MUC5AC: variants seen among roughly 807,000 people sequenced by gnomAD.
The protein encoded by MUC5AC is mucin 5AC, oligomeric mucus/gel-forming.
A neutral mutation model predicts 169.7 loss-of-function variants in MUC5AC; 158 were observed. The ratio of observed to expected loss-of-function variants is 0.93; its 90% CI spans 0.82 to 1.06. The LOEUF is 1.06. MUC5AC is among the 50% of genes least tolerant of loss of function. The probability of loss-of-function intolerance (pLI) is 0.00; values close to 1 mark genes in which losing one functional copy is unlikely to be tolerated. For synonymous variants in MUC5AC, 1,975 were observed against 1,237.0 expected, an observed-to-expected ratio of 1.60 and a Z score of -12.52; for missense variants, 4,359 against 3,089.9, an observed-to-expected ratio of 1.41 and a Z score of -9.74.
At position 1,190,987 on chromosome 11, in the gene MUC5AC, C is replaced by A; in HGVS notation, c.12842C>A (p.Thr4281Lys). The change falls in exon 31 of 49, where the codon ACA becomes AAA. Residue 4281 changes from threonine to lysine, a missense_variant. By Grantham distance (78) the Thr-to-Lys change is moderately conservative. Transcript: ENST00000621226. ...ACAACCTCTGCTCCTACAACCAGAA[C>A]AACATCTGCTCCTACAAGCAGCATG... ...TSTTSAPTTR[T>K]TSAPTSSMTS... is the part of the protein sequence containing the mutation. The A allele has an allele frequency of 1.3e-6, 1 of 746,930 alleles. No individual in the cohort carries two copies. The highest frequency in any genetic ancestry group is 1.4e-5 in the South Asian group (1 of 72,134). 46.3% of individuals were successfully genotyped at this position (746,930 alleles called of 1,614,324 possible). A position where few individuals can be genotyped will look rare whatever the true frequency, so the allele number is the denominator to read the frequency against.
At chr11:1,177,934 G>T (rs1860726343) in intron 24 of MUC5AC, among the ~76,000 whole-genome samples, 1 of 152,198 alleles carries the variant, frequency 6.6e-6, no homozygotes, top group African/African-American at 2.4e-5. Context: ...AGGCTCTGGG[G>T]GGCTCCTTTT....
At chr11:1,199,349 C>T in intron 45 of MUC5AC, 22 bp from the exon 46 acceptor site, 1 of 705,216 alleles carries the variant, frequency 1.4e-6, no homozygotes, top group South Asian at 1.5e-5. Flanking sequence ...GTCACTCACC[C>T]CGGGGCCTGG....
chr11:1,170,660 C>A (rs1260507726), intron 15 of MUC5AC, among the ~76,000 whole-genome samples: 1 of 115,286 alleles, frequency 8.7e-6, no homozygotes, highest in Non-Finnish European at 1.9e-5. Flanking sequence ...CACCCACTCA[C>A]TCACCCACTC....
rs932488004 is a variant in MUC5AC, at chr11:1,179,148, C to T, written c.3384C>T (p.Ser1128=). The T allele has an allele frequency of 3.9e-5, 26 of 675,156 alleles. No homozygotes were observed. The highest frequency in any genetic ancestry group is 6.4e-5 in the Admixed American group (3 of 47,134). The allele number at this position is 675,156 out of a possible 1,614,324, so 41.8% of individuals were successfully genotyped here. Residue 1128 remains serine, a synonymous_variant, in exon 26 of 49, where the codon TCC becomes TCT. Coordinates refer to ENST00000621226, the MANE Select transcript of MUC5AC (RefSeq NM_001304359.2). ...ACVNDACACD[S]GGDCECFCTA... ...TGAACGACGCGTGCGCCTGCGACTC[C>T]GGGGGTGACTGCGAGTGCTTCTGCA...
chr11:1,160,069 C>CA (rs1369877034), intron 1 of MUC5AC, among the ~76,000 whole-genome samples: 2 of 149,728 alleles, frequency 1.3e-5, no homozygotes, highest in Non-Finnish European at 3.0e-5. Context: ...TGGCTCTGTG[C>CA]AGGGCTGTGC....
intron 9 of MUC5AC, among the ~76,000 whole-genome samples, chr11:1,164,820 C>T (rs28396235): frequency 6.8e-6 from 1 of 147,224 alleles, no homozygotes; most frequent in Non-Finnish European, 1.5e-5. Flanking sequence ...CTGGCTGAGG[C>T]CCCTGTCCTG....
chr11:1,162,416 C>T, intron 4 of MUC5AC, 116 bp from the exon 5 acceptor site: 1 of 1,080,780 alleles, frequency 9.3e-7, no homozygotes. Context: ...GTCCCCATCC[C>T]AGACGCGACT....
rs765611965 is a variant in MUC5AC at position 1,196,626 on chromosome 11, G to T, written c.15735G>T (p.Pro5245=). ...GNDSASLGAL[P]EAGPITEGCF... ...CCTATGCTCTCTACAGGGCTCTGCCGGAGGCCGGCCCCATCACCGAAGGCT... is the reference window on the plus strand; with the variant it reads ...CCTATGCTCTCTACAGGGCTCTGCCTGAGGCCGGCCCCATCACCGAAGGCT... The change falls in exon 39 of 49, where the codon CCG becomes CCT. Residue 5245 remains proline (P), a synonymous_variant. Coordinates refer to ENST00000621226, the MANE Select transcript of MUC5AC (RefSeq NM_001304359.2). 3.9e-6 allele frequency: 3 copies of T among 761,734 alleles called. No homozygotes were observed. The African/African-American group carries it at 5.1e-5, about 13-fold the overall frequency. The allele number at this position is 761,734 out of a possible 1,614,324, so 47.2% of individuals were successfully genotyped here.
rs1215206220 is a variant in MUC5AC at position 1,192,903 on chromosome 11, C to T, written c.14501C>T (p.Ala4834Val). 3.9e-6 allele frequency: 3 copies of T among 763,660 alleles called. No homozygotes were observed. Among genetic ancestry groups the T allele is most frequent in the Non-Finnish European group, 2.4e-6 (1 of 417,194 alleles). The allele number at this position is 763,660 out of a possible 1,614,324, so 47.3% of individuals were successfully genotyped here. A position where few individuals can be genotyped will look rare whatever the true frequency, so the allele number is the denominator to read the frequency against. Reference protein sequence around the residue: ...SDCPSTTLPPAPATSPSISTS... With the variant: ...SDCPSTTLPPVPATSPSISTS... ...TGTCCGTCCACCACGCTGCCTCCTG[C>T]CCCAGCCACGTCCCCTTCAATATCC... The change falls in exon 32 of 49, where the codon GCC (alanine) becomes GTC (valine). Residue 4834 changes from alanine (A) to valine (V), a missense_variant. Coordinates refer to ENST00000621226, the MANE Select transcript of MUC5AC (RefSeq NM_001304359.2).
rs56353594 is a variant in MUC5AC, at chr11:1,197,402, G to C, written c.15862-66G>C. 6.4e-3 allele frequency: 4,363 copies of C among 686,914 alleles called. 150 individuals carry two copies. The African/African-American group carries it at 0.067, about 11-fold the overall frequency. 42.6% of individuals were successfully genotyped at this position (686,914 alleles called of 1,614,324 possible). On this transcript the variant is annotated intron_variant, in intron 40 of 48. Coordinates refer to ENST00000621226, the MANE Select transcript of MUC5AC (RefSeq NM_001304359.2). The stretch of plus-strand genomic sequence containing the variant: ...TGGCTGCCCCGGCACTGCATGAGCC[G>C]GGGTGGCTGCTGCACCCCTGGGTGG...
chr11:1,200,366 C>T (rs28728088), intron 48 of MUC5AC, 72 bp from the exon 49 acceptor site: 98,597 of 620,772 alleles, frequency 0.16, 9,260 homozygotes, highest in Non-Finnish European at 0.2. Context: ...GCCCAGAGCT[C>T]GGCACGGCGC....
At chr11:1,194,710 G>A (rs535832582) in intron 35 of MUC5AC, 40 bp downstream of exon 35, 52 of 714,628 alleles carry the variant, frequency 7.3e-5, no homozygotes, top group South Asian at 4.7e-4. Context: ...TGGCATTCGC[G>A]GGGGCGGGGG....
At chr11:1,175,924 C>CTT (rs1860672189) in intron 19 of MUC5AC, among the ~76,000 whole-genome samples, 1 of 141,832 alleles carries the variant, frequency 7.1e-6, no homozygotes. Context: ...CCCACTCATG[C>CTT]ACACACACTC....
At chr11:1,173,213 C>G (rs898930670) in intron 16 of MUC5AC, among the ~76,000 whole-genome samples, 3 of 151,794 alleles carry the variant, frequency 2.0e-5, no homozygotes, top group Admixed American at 6.6e-5. Flanking sequence ...CATTTACTCA[C>G]TCATTCACGA....
rs747110915 is a variant in MUC5AC, at chr11:1,164,491, C to A, written c.1088C>A (p.Ala363Asp). Residue 363 changes from alanine to aspartate, a missense_variant, in exon 9 of 49, where the codon GCC becomes GAC. Transcript: ENST00000621226. ...DTCSNQEHSR[A>D]CEDHCVAGCF... ...TGCTCCAACCAGGAGCACTCCCGGGCCTGTGAGGACCACTGTGTGGCCGGC... is the reference window on the plus strand; with the variant it reads ...TGCTCCAACCAGGAGCACTCCCGGGACTGTGAGGACCACTGTGTGGCCGGC... The A allele has an allele frequency of 3.7e-6, 6 of 1,611,590 alleles. No individual in the cohort carries two copies. In the African/African-American group the frequency reaches 8.0e-5, roughly 22 times the overall value.
chr11:1,180,073 A>G lies in MUC5AC; in HGVS notation c.3536A>G (p.Gln1179Arg), dbSNP rs1860779386. 3 of 398,878 alleles carry G rather than the reference A, an allele frequency of 7.5e-6. No homozygotes were observed. The highest frequency in any genetic ancestry group is 1.3e-5 in the Non-Finnish European group (3 of 226,146). 24.7% of individuals were successfully genotyped at this position (398,878 alleles called of 1,614,324 possible). A position where few individuals can be genotyped will look rare whatever the true frequency, so the allele number is the denominator to read the frequency against. The part of the protein sequence containing the change: ...NPEGQCEWHY[Q>R]PCGVPCLRTC... ...GAAGGCCAGTGCGAGTGGCACTACCAGCCCTGCGGGGTGCCCTGCCTGCGC... is the reference window on the plus strand; with the variant it reads ...GAAGGCCAGTGCGAGTGGCACTACCGGCCCTGCGGGGTGCCCTGCCTGCGC... Residue 1179 changes from glutamine to arginine, a missense_variant, in exon 27 of 49, where the codon CAG becomes CGG. Coordinates refer to ENST00000621226, the MANE Select transcript of MUC5AC (RefSeq NM_001304359.2).
intron 15 of MUC5AC, among the ~76,000 whole-genome samples, chr11:1,171,688 TTCACCCAC>T (rs1860547623): frequency 2.2e-5 from 1 of 44,674 alleles, no homozygotes; most frequent in Non-Finnish European, 4.4e-5. Context: ...CACTCACCCA[TTCACCCAC>T]TCACCCACTC....
At chr11:1,198,201 C>A (rs1004088487) in intron 42 of MUC5AC, 67 bp from the exon 43 acceptor site, 5 of 714,564 alleles carry the variant, frequency 7.0e-6, no homozygotes, top group Non-Finnish European at 1.0e-5. Flanking sequence ...GCTGCAGGGG[C>A]GGGAATGCTG....
chr11:1,166,314 CCCACGA>C (rs1860325943), intron 11 of MUC5AC, among the ~76,000 whole-genome samples: 1 of 136,920 alleles, frequency 7.3e-6, no homozygotes, highest in African/African-American at 2.8e-5. Flanking sequence ...CACACAGTCT[CCCACGA>C]TGAGACCCTG....
Sources: gnomAD v4.1 joint callset for allele counts (sites outside exome capture counted in the v4.1 genomes callset) on GRCh38, gnomAD v4.1.1 for gene constraint, MANE v1.5 for transcripts, NCBI Gene and HGNC (gene_info 2026-07-23, HGNC 2026-07-21) for gene names.